HDAC8: variants seen among roughly 807,000 people sequenced by gnomAD.
The protein encoded by HDAC8 is histone deacetylase 8, also known as histone deacetylase-like 1.
A neutral mutation model predicts 32.2 loss-of-function variants in HDAC8; 1 was observed. That is an observed-to-expected ratio of 0.03 (90% confidence interval 0.01 to 0.15). The LOEUF is 0.15. HDAC8 is among the 10% of genes least tolerant of loss of function. The pLI is 1.00. For synonymous variants in HDAC8, 108 were observed against 113.9 expected, an observed-to-expected ratio of 0.95 and a Z score of 0.33; for missense variants, 117 against 300.0, an observed-to-expected ratio of 0.39 and a Z score of 4.51.
intron 7 of HDAC8, among the ~76,000 whole-genome samples, chrX:72,475,982 C>A: frequency 9.0e-6 from 1 of 111,263 alleles, no homozygotes; most frequent in Non-Finnish European, 1.9e-5. Flanking sequence ...TTCTAACACG[C>A]CTTGTAGTAG....
At chrX:72,453,678 T>C (rs1314986636) in intron 9 of HDAC8, among the ~76,000 whole-genome samples, 4 of 111,350 alleles carry the variant, frequency 3.6e-5, no homozygotes, top group African/African-American at 1.3e-4. Flanking sequence ...ATAAAAACTA[T>C]AAACCCACAG....
intron 4 of HDAC8, among the ~76,000 whole-genome samples, chrX:72,521,300 G>A (rs1304832757): frequency 5.5e-5 from 6 of 110,016 alleles, no homozygotes; most frequent in Non-Finnish European, 7.6e-5. Context: ...CCTCTCTCTC[G>A]CTGTCTTTGG....
intron 9 of HDAC8, among the ~76,000 whole-genome samples, chrX:72,411,050 G>T (rs1239459769): frequency 1.4e-5 from 1 of 71,080 alleles, no homozygotes; most frequent in Non-Finnish European, 2.3e-5. Flanking sequence ...TTTTTTGACA[G>T]AATCTTGCTC....
chrX:72,444,030 T>A (rs1555983368), intron 9 of HDAC8, among the ~76,000 whole-genome samples: 1 of 109,698 alleles, frequency 9.1e-6, no homozygotes, highest in East Asian at 2.9e-4. Flanking sequence ...GCTCTGAAAT[T>A]GTGGCAATAA....
At chrX:72,490,762 A>T (rs1262108225) in intron 6 of HDAC8, among the ~76,000 whole-genome samples, 167 bp downstream of exon 6, 1 of 110,728 alleles carries the variant, frequency 9.0e-6, no homozygotes, top group Non-Finnish European at 1.9e-5. Flanking sequence ...ATAAAAAAGA[A>T]ATTTACAAAA....
chrX:72,572,598 C>CGG, intron 1 of HDAC8, 53 bp downstream of exon 1: 13 of 583,647 alleles, frequency 2.2e-5, no homozygotes, highest in East Asian at 4.2e-5. Context: ...TTTCGTCCAC[C>CGG]GCCCCCACCC....
chrX:72,487,673 G>A (rs1222058556), intron 7 of HDAC8, among the ~76,000 whole-genome samples: 1 of 107,557 alleles, frequency 9.3e-6, no homozygotes, highest in Non-Finnish European at 1.9e-5. Context: ...CCAGGAAAGG[G>A]CTCGAGGAGA....
intron 9 of HDAC8, among the ~76,000 whole-genome samples, chrX:72,420,574 AT>A (rs1461637653): frequency 8.9e-6 from 1 of 112,040 alleles, no homozygotes. Context: ...TCTCTGTACT[AT>A]TATTCTCTGT....
intron 4 of HDAC8, among the ~76,000 whole-genome samples, chrX:72,563,655 G>T (rs782518821): frequency 8.9e-6 from 1 of 111,735 alleles, no homozygotes; most frequent in Admixed American, 9.4e-5. Context: ...TTATTGCTAG[G>T]CATTCATGTT....
intron 4 of HDAC8, among the ~76,000 whole-genome samples, chrX:72,499,803 T>C (rs1197350595): frequency 2.7e-5 from 3 of 110,439 alleles, no homozygotes; most frequent in Admixed American, 9.6e-5. Flanking sequence ...CTGAAGGAAA[T>C]TGAGACATGA....
chrX:72,407,844 G>C (rs911147488), intron 9 of HDAC8, among the ~76,000 whole-genome samples: 1 of 112,256 alleles, frequency 8.9e-6, no homozygotes, highest in Admixed American at 9.4e-5. Flanking sequence ...CCATGAAAGG[G>C]ACCAGTTAAC....
intron 4 of HDAC8, among the ~76,000 whole-genome samples, chrX:72,533,217 T>C (rs1254507505): frequency 1.8e-5 from 2 of 112,110 alleles, no homozygotes; most frequent in Non-Finnish European, 3.8e-5. Flanking sequence ...CATTGATCTA[T>C]GTATCTATCC....
chrX:72,401,885 T>C (rs782195187), intron 9 of HDAC8, among the ~76,000 whole-genome samples: 6 of 112,617 alleles, frequency 5.3e-5, no homozygotes, highest in Admixed American at 9.4e-5. Flanking sequence ...TAGGAAGTGT[T>C]CCTTCCTCTT....
chrX:72,517,794 A>G (rs191874791), intron 4 of HDAC8, among the ~76,000 whole-genome samples: 30 of 112,069 alleles, frequency 2.7e-4, no homozygotes, highest in East Asian at 2.5e-3. Flanking sequence ...TCCATATGCC[A>G]GGACCACATG....
intron 3 of HDAC8, 129 bp from the exon 4 acceptor site, chrX:72,568,159 A>C: frequency 3.9e-6 from 2 of 516,763 alleles, no homozygotes; most frequent in Non-Finnish European, 6.5e-6. Context: ...CTGAGACAGA[A>C]ACAACTCCAA....
intron 9 of HDAC8, among the ~76,000 whole-genome samples, chrX:72,421,995 C>A (rs782523525): frequency 1.8e-5 from 2 of 111,932 alleles, no homozygotes; most frequent in Non-Finnish European, 1.9e-5. Flanking sequence ...ATTCTGGCCT[C>A]CATGGTCTCA....
At position 72,488,858 on chromosome X, in the gene HDAC8, T is replaced by G. The variant is rs2048766069; in HGVS notation, c.737+75A>C. The G allele has an allele frequency of 5.1e-6, 3 of 591,285 alleles. No individual in the cohort carries two copies. The South Asian group carries it at 1.1e-4, about 21-fold the overall frequency. The allele number at this position is 591,285 out of a possible 1,213,427, so 48.7% of individuals were successfully genotyped here. On this transcript the variant is annotated intron_variant, in intron 7 of 10. Transcript: ENST00000373573. ...TTTTCTTTTTTACATTGTTCTTGTTTACATTGTGAGATGGGGGCCATTTCA... is the reference window on the plus strand; with the variant it reads ...TTTTCTTTTTTACATTGTTCTTGTTGACATTGTGAGATGGGGGCCATTTCA...
intron 10 of HDAC8, among the ~76,000 whole-genome samples, chrX:72,350,175 G>A (rs1293171066): frequency 9.0e-6 from 1 of 111,265 alleles, no homozygotes; most frequent in Non-Finnish European, 1.9e-5. Flanking sequence ...GGACTTGTGG[G>A]GTCAGTAGCC....
intron 9 of HDAC8, among the ~76,000 whole-genome samples, chrX:72,383,556 G>GT: frequency 8.9e-6 from 1 of 112,235 alleles, no homozygotes; most frequent in East Asian, 2.8e-4. Context: ...AATTGCTTTT[G>GT]TGAATCCACA....
Sources: allele counts gnomAD v4.1 joint callset (sites outside exome capture counted in the v4.1 genomes callset), GRCh38; gene constraint gnomAD v4.1.1; transcripts MANE v1.5; gene names NCBI Gene and HGNC (gene_info 2026-07-23, HGNC 2026-07-21).